FMN2: variants seen among roughly 807,000 people sequenced by gnomAD.
FMN2 encodes the protein formin-2.
A neutral mutation model predicts 142.3 loss-of-function variants in FMN2; 51 were observed. That is an observed-to-expected ratio of 0.36 (90% CI 0.29 to 0.45). The LOEUF (loss-of-function observed/expected upper bound fraction) is 0.45. FMN2 is among the 20% of genes least tolerant of loss of function. The pLI is 1.00. For synonymous variants in FMN2, 882 were observed against 869.8 expected, an observed-to-expected ratio of 1.01 and a Z score of -0.25; for missense variants, 1,936 against 2,122.8, an observed-to-expected ratio of 0.91 and a Z score of 1.73.
chr1:240,287,509 C>T (rs1218653047), intron 7 of FMN2, among the ~76,000 whole-genome samples: 1 of 152,136 alleles, frequency 6.6e-6, no homozygotes, highest in Non-Finnish European at 1.5e-5. Context: ...CTTCTCTTTC[C>T]ATGTACTTTA....
intron 16 of FMN2, among the ~76,000 whole-genome samples, chr1:240,439,582 T>A (rs191573490): frequency 3.0e-4 from 46 of 152,248 alleles, no homozygotes; most frequent in African/African-American, 1.1e-3. Flanking sequence ...AAGAAAATGG[T>A]TTGAACAGAA....
intron 8 of FMN2, among the ~76,000 whole-genome samples, chr1:240,315,643 G>T (rs1465507380): frequency 6.6e-6 from 1 of 152,056 alleles, no homozygotes; most frequent in East Asian, 1.9e-4. Context: ...ACAACTTTAG[G>T]TTGCTATGGT....
intron 15 of FMN2, among the ~76,000 whole-genome samples, chr1:240,396,090 T>C (rs1480708412): frequency 6.6e-6 from 1 of 152,212 alleles, no homozygotes; most frequent in Non-Finnish European, 1.5e-5. Context: ...CTCAGATAAT[T>C]GTTAACACTT....
chr1:240,142,601 A>G lies in FMN2; in HGVS notation c.1782+19256A>G, dbSNP rs565958761. The stretch of plus-strand genomic sequence containing the variant: ...CCCCCGGAAGTCTGCAGCTGTGTCC[A>G]CCCTTGGCAGCAGGATGCATGGCCC... On this transcript the variant is annotated intron_variant, in intron 2 of 17. Coordinates refer to ENST00000319653, the MANE Select transcript of FMN2 (RefSeq NM_020066.5). 425 of 1,469,334 alleles carry G rather than the reference A, an allele frequency of 2.9e-4. 3 individuals carry two copies. In the African/African-American group the frequency reaches 5.4e-3, roughly 19 times the overall value. 91.0% of individuals were successfully genotyped at this position (1,469,334 alleles called of 1,614,324 possible).
intron 15 of FMN2, among the ~76,000 whole-genome samples, chr1:240,417,186 C>T (rs1342679526): frequency 6.7e-6 from 1 of 148,854 alleles, no homozygotes; most frequent in Non-Finnish European, 1.5e-5. Context: ...TTTGTATGTC[C>T]TTGAGAAGAA....
intron 15 of FMN2, among the ~76,000 whole-genome samples, chr1:240,398,428 G>A (rs1206988211): frequency 2.0e-5 from 3 of 152,230 alleles, no homozygotes; most frequent in Non-Finnish European, 2.9e-5. Context: ...CAAAAGCTGA[G>A]GTCAAAGGCC....
intron 2 of FMN2, among the ~76,000 whole-genome samples, chr1:240,146,175 A>C (rs1382923689): frequency 6.7e-6 from 1 of 150,176 alleles, no homozygotes; most frequent in African/African-American, 2.5e-5. Flanking sequence ...CGAGGTCAGG[A>C]GATCGAGACC....
At chr1:240,459,062 G>A (rs934185783) in intron 16 of FMN2, 1 of 152,028 alleles carries the variant, frequency 6.6e-6, no homozygotes, top group Non-Finnish European at 1.5e-5. Flanking sequence ...TGACCAATGT[G>A]ATTAGAAGCT....
intron 8 of FMN2, among the ~76,000 whole-genome samples, chr1:240,318,069 C>T (rs560574443): frequency 2.3e-4 from 35 of 152,288 alleles, no homozygotes; most frequent in Admixed American, 1.7e-3. Flanking sequence ...GTCTTTTTCC[C>T]GCTTTCTAGT....
At chr1:240,276,821 G>C (rs963715648) in intron 7 of FMN2, among the ~76,000 whole-genome samples, 8 of 152,120 alleles carry the variant, frequency 5.3e-5, no homozygotes, top group African/African-American at 1.9e-4. Flanking sequence ...AAGTGGCAAG[G>C]ACGAAGAGAG....
At chr1:240,425,817 G>A (rs1414657) in intron 15 of FMN2, among the ~76,000 whole-genome samples, 86,232 of 151,934 alleles carry the variant, frequency 0.57, 25,698 homozygotes, top group Middle Eastern at 0.67. Flanking sequence ...GACCCATTAG[G>A]AATGTTTTTC....
chr1:240,148,754 G>A (rs1333729786), intron 2 of FMN2, among the ~76,000 whole-genome samples: 5 of 152,254 alleles, frequency 3.3e-5, no homozygotes, highest in Admixed American at 2.0e-4. Context: ...GCCGAGGCGG[G>A]CGGATCACGA....
At chr1:240,168,903 C>T (rs1664589433) in intron 2 of FMN2, among the ~76,000 whole-genome samples, 1 of 151,854 alleles carries the variant, frequency 6.6e-6, no homozygotes, top group Non-Finnish European at 1.5e-5. Context: ...TATATTGTCC[C>T]TGAGATTAAA....
chr1:240,307,721 G>T (rs1247719735), intron 8 of FMN2, among the ~76,000 whole-genome samples: 2 of 152,074 alleles, frequency 1.3e-5, no homozygotes, highest in African/African-American at 4.8e-5. Context: ...TGGCTATTGG[G>T]GCTCTTTTTT....
In FMN2 at chr1:240,154,129, A is replaced by AG. The variant is rs750638108; in HGVS notation, c.1783-23792_1783-23791insG. Among the ~76,000 whole-genome samples, 128 of 102,204 alleles carry AG rather than the reference A, an allele frequency of 1.3e-3. 2 individuals carry two copies. Among genetic ancestry groups the AG allele is most frequent in the South Asian group, 2.4e-3 (5 of 2,098 alleles). The allele number at this position is 102,204 out of a possible 152,430, so 67.0% of individuals were successfully genotyped here. A position where few individuals can be genotyped will look rare whatever the true frequency, so the allele number is the denominator to read the frequency against. ...CATCAAAAAAAAAAAAAAAAAAAAAAAAGTGTTACTACCTACAAGGCCTAC... is the reference window on the plus strand; with the variant it reads ...CATCAAAAAAAAAAAAAAAAAAAAAAGAAGTGTTACTACCTACAAGGCCTAC... On this transcript the variant is annotated intron_variant, in intron 2 of 17. Coordinates refer to ENST00000319653, the MANE Select transcript of FMN2 (RefSeq NM_020066.5).
At chr1:240,300,251 A>C (rs147704897) in intron 8 of FMN2, among the ~76,000 whole-genome samples, 4 of 152,344 alleles carry the variant, frequency 2.6e-5, no homozygotes, top group Middle Eastern at 3.4e-3. Flanking sequence ...CAGTGTAACT[A>C]TAATAGAAGT....
At chr1:240,169,886 G>C (rs1350973147) in intron 2 of FMN2, among the ~76,000 whole-genome samples, 2 of 152,096 alleles carry the variant, frequency 1.3e-5, no homozygotes, top group Non-Finnish European at 2.9e-5. Context: ...CATCAGGTGG[G>C]AGATAGTACT....
At chr1:240,414,087 T>G (rs1674504222) in intron 15 of FMN2, among the ~76,000 whole-genome samples, 1 of 152,254 alleles carries the variant, frequency 6.6e-6, no homozygotes, top group African/African-American at 2.4e-5. Context: ...AATCTCTGAA[T>G]TTACCCCAGG....
intron 2 of FMN2, among the ~76,000 whole-genome samples, chr1:240,137,243 T>G (rs547485252): frequency 5.1e-4 from 78 of 152,242 alleles, no homozygotes; most frequent in African/African-American, 1.9e-3. Flanking sequence ...AGAAGATTTA[T>G]TCTCCTGTTA....
Sources: allele counts gnomAD v4.1 joint callset (sites outside exome capture counted in the v4.1 genomes callset), GRCh38; gene constraint gnomAD v4.1.1; transcripts MANE v1.5; gene names NCBI Gene and HGNC (gene_info 2026-07-23, HGNC 2026-07-21).